PARP10: variants seen among roughly 807,000 people sequenced by gnomAD.
PARP10 encodes protein mono-ADP-ribosyltransferase PARP10.
A neutral mutation model predicts 82.4 loss-of-function variants in PARP10; 56 were observed. The observed-to-expected ratio is 0.68, with a 90% CI of 0.55 to 0.85. The LOEUF (loss-of-function observed/expected upper bound fraction) is 0.85, where lower values mean the gene tolerates loss of function less well. Among genes scored for constraint, PARP10 ranks in the 40% least tolerant of loss-of-function variants. The probability of loss-of-function intolerance (pLI) is 0.00; values close to 1 mark genes in which losing one functional copy is unlikely to be tolerated. For synonymous variants in PARP10, 576 were observed against 601.1 expected, an observed-to-expected ratio of 0.96 and a Z score of 0.61; for missense variants, 1,227 against 1,379.4, an observed-to-expected ratio of 0.89 and a Z score of 1.75.
upstream of PARP10, chr8:143,992,701 G>A: frequency 1.2e-6 from 2 of 1,613,992 alleles, no homozygotes; most frequent in Non-Finnish European, 1.7e-6. Context: ...GTTCCTCGCA[G>A]TGGACACCCA....
Position 144,008,389 on chromosome 8 carries a change from G to A in PARP10, c.-80+4141C>T, listed in dbSNP as rs1201985647. 6.6e-6 allele frequency among the ~76,000 whole-genome samples: 1 copy of A among 152,202 alleles called. No homozygotes were observed. Among genetic ancestry groups the A allele is most frequent in the African/African-American group, 2.4e-5 (1 of 41,444 alleles). The stretch of plus-strand genomic sequence containing the variant: ...AAGAAAGGGGCAAAGATCCCTGAAG[G>A]CCTTGCCAAGCTGAAATGCTGAGCG... On this transcript the variant is annotated intron_variant, in intron 1 of 3. Transcript: ENST00000530478. This position sits in a 1 kb window ranked among gnomAD's most constrained non-coding sequence, Gnocchi z 4.0.
chr8:143,995,522 T>C (rs1834158580), upstream of PARP10, among the ~76,000 whole-genome samples: 1 of 152,122 alleles, frequency 6.6e-6, no homozygotes, highest in Non-Finnish European at 1.5e-5. Context: ...CACGGGGTGC[T>C]CACATGGAGT....
chr8:144,006,267 G>T (rs565963813), intron 1 of PARP10, among the ~76,000 whole-genome samples: 1 of 152,364 alleles, frequency 6.6e-6, no homozygotes, highest in Non-Finnish European at 1.5e-5. Flanking sequence ...GCTTTACTCT[G>T]CCAGCCAGTG....
At chr8:143,979,546 C>T (rs978614742) in intron 9 of PARP10, among the ~76,000 whole-genome samples, 3 of 152,172 alleles carry the variant, frequency 2.0e-5, no homozygotes, top group African/African-American at 4.8e-5. Flanking sequence ...TTAGGACACA[C>T]GAGAACATGG....
upstream of PARP10, chr8:143,992,974 C>T (rs1834126461): frequency 2.7e-6 from 2 of 731,074 alleles, no homozygotes; most frequent in Middle Eastern, 2.5e-4. Flanking sequence ...TGCCTCTCTC[C>T]AACCCTCCTG....
chr8:144,004,711 A>G (rs1834223373), intron 1 of PARP10, among the ~76,000 whole-genome samples: 1 of 152,004 alleles, frequency 6.6e-6, no homozygotes, highest in Non-Finnish European at 1.5e-5. Context: ...CTCATTCTCC[A>G]CTCAGGAACA....
At position 143,977,198 on chromosome 8, in the gene PARP10, T is replaced by A; in HGVS notation, c.*286A>T. On this transcript the variant is annotated 3_prime_UTR_variant, in exon 11 of 11. Coordinates refer to ENST00000313028, the MANE Select transcript of PARP10 (RefSeq NM_032789.5). ...CGCCTGGGTTCACGTTCACGTTTAT[T>A]CAAACAACAGAGCCGACTCGGGCGA... 2.2e-6 allele frequency: 1 copy of A among 459,314 alleles called. No individual in the cohort carries two copies. The allele number at this position is 459,314 out of a possible 1,614,324, so 28.5% of individuals were successfully genotyped here. A position where few individuals can be genotyped will look rare whatever the true frequency, so the allele number is the denominator to read the frequency against.
rs146577352 is a variant in PARP10 at position 144,003,593 on chromosome 8, C to T, written c.-80+8937G>A. Among the ~76,000 whole-genome samples the T allele has an allele frequency of 2.0e-4, 30 of 152,210 alleles. 1 individual carries two copies. The South Asian group carries it at 2.3e-3, about 12-fold the overall frequency. On this transcript the variant is annotated intron_variant, in intron 1 of 3. Coordinates refer to the PARP10 transcript ENST00000530478. ...CTGCCTAGAGGCACATTTCAGGCCA[C>T]GTGACAGAAAACAGTCCCAGGCAAA...
In PARP10 at chr8:143,985,612, C is replaced by T. The variant is rs782359712; in HGVS notation, c.473G>A (p.Gly158Asp). ...CAGGGACACCAAGGTCCCCTCCAGG[C>T]CCAGATTCTGGGCCTGCTCCTCCAG... ...RVLEEQAQNL[G>D]LEGTLVSLAR... Residue 158 changes from glycine to aspartate, a missense_variant, in exon 4 of 11, where the codon GGC becomes GAC. Physicochemically the swap from Gly to Asp is moderately conservative, Grantham distance 94. Transcript: ENST00000313028. The T allele has an allele frequency of 6.2e-7, 1 of 1,613,794 alleles. No homozygotes were observed. Among genetic ancestry groups the T allele is most frequent in the South Asian group, 1.1e-5 (1 of 91,080 alleles).
At chr8:144,003,875 A>AT (rs1198460588) in intron 1 of PARP10, among the ~76,000 whole-genome samples, 1 of 151,004 alleles carries the variant, frequency 6.6e-6, no homozygotes, top group Non-Finnish European at 1.5e-5. Flanking sequence ...AAAAAAAAAA[A>AT]TTTTTTTTAA....
chr8:143,992,044 T>TC (rs782390497), upstream of PARP10: 1 of 1,614,034 alleles, frequency 6.2e-7, no homozygotes. Context: ...TGTGGGGACT[T>TC]CCGGCGAAAG....
upstream of PARP10, among the ~76,000 whole-genome samples, chr8:143,993,660 C>T (rs1371890264): frequency 6.6e-6 from 1 of 152,224 alleles, no homozygotes; most frequent in Non-Finnish European, 1.5e-5. Flanking sequence ...AGTGGCCTGG[C>T]TGTGTCTACC....
chr8:143,979,208 C>T (rs975472862), intron 9 of PARP10, among the ~76,000 whole-genome samples: 2 of 151,998 alleles, frequency 1.3e-5, no homozygotes, highest in Non-Finnish European at 2.9e-5. Context: ...CTCCTGACCT[C>T]GTGATCCGCC....
At chr8:143,979,999 G>C (rs1332956752) in intron 9 of PARP10, among the ~76,000 whole-genome samples, 1 of 126,566 alleles carries the variant, frequency 7.9e-6, no homozygotes, top group Non-Finnish European at 1.6e-5. Context: ...GTGACAGAGC[G>C]AGACTCCGTC....
intron 1 of PARP10, among the ~76,000 whole-genome samples, chr8:144,009,290 C>G (rs782059344): frequency 1.3e-5 from 2 of 152,174 alleles, no homozygotes; most frequent in African/African-American, 2.4e-5. Context: ...GTCCCTAAAG[C>G]TGACGCACAC....
chr8:143,992,609 G>T, upstream of PARP10: 1 of 1,614,124 alleles, frequency 6.2e-7, no homozygotes, highest in Non-Finnish European at 8.5e-7. Context: ...CTTCACCTGC[G>T]TGAGTGAGGG....
At chr8:143,989,246 C>T (rs1192604023), upstream of PARP10, among the ~76,000 whole-genome samples, 3 of 152,202 alleles carry the variant, frequency 2.0e-5, no homozygotes, top group South Asian at 2.1e-4. This position sits in a 1 kb window ranked among gnomAD's most constrained non-coding sequence, Gnocchi z 4.3. Flanking sequence ...GTCACTGCTC[C>T]CCCAAGAGGA....
chr8:143,980,658 G>A (rs1833830321), intron 9 of PARP10, among the ~76,000 whole-genome samples: 1 of 152,052 alleles, frequency 6.6e-6, no homozygotes, highest in Non-Finnish European at 1.5e-5. Flanking sequence ...AAACAAAAGA[G>A]TCTGTGCCAA....
At chr8:143,980,804 G>A (rs1429060218) in intron 9 of PARP10, among the ~76,000 whole-genome samples, 1 of 152,090 alleles carries the variant, frequency 6.6e-6, no homozygotes, top group Non-Finnish European at 1.5e-5. Context: ...TAATAACTAG[G>A]ATTTCACTTC....
Sources: allele counts gnomAD v4.1 joint callset (sites outside exome capture counted in the v4.1 genomes callset), GRCh38; gene constraint gnomAD v4.1.1; non-coding constraint Gnocchi (gnomAD v3.1); transcripts MANE v1.5; gene names NCBI Gene and HGNC (gene_info 2026-07-23, HGNC 2026-07-21).